SPTLC2: variants seen among roughly 807,000 people sequenced by gnomAD.
The protein encoded by SPTLC2 is serine palmitoyltransferase 2.
A neutral mutation model predicts 62.0 loss-of-function variants in SPTLC2; 21 were observed. That is an observed-to-expected ratio of 0.34 (90% CI 0.24 to 0.49). The LOEUF (loss-of-function observed/expected upper bound fraction) is 0.49. Ranked by LOEUF, SPTLC2 falls within the 20% of genes least tolerant of loss-of-function variation. The pLI is 0.99. For missense variants in SPTLC2, 511 were observed against 713.0 expected (o/e 0.72, Z 3.23); for synonymous variants, 261 against 261.8 (o/e 1.00, Z 0.03).
At chr14:77,544,917 T>TA (rs1197613979) in intron 9 of SPTLC2, among the ~76,000 whole-genome samples, 3 of 152,158 alleles carry the variant, frequency 2.0e-5, no homozygotes, top group African/African-American at 7.2e-5. Context: ...TTCCTCTTAG[T>TA]ATTTTTCTAT....
intron 2 of SPTLC2, 77 bp from the exon 3 acceptor site, chr14:77,579,186 T>C: frequency 6.7e-7 from 1 of 1,483,240 alleles, no homozygotes; most frequent in East Asian, 2.4e-5. Flanking sequence ...TGACATGATC[T>C]TTTATTTATG....
chr14:77,594,132 ATGC>A (rs1191127495), intron 2 of SPTLC2, among the ~76,000 whole-genome samples: 2 of 152,182 alleles, frequency 1.3e-5, no homozygotes, highest in African/African-American at 4.8e-5. Context: ...GATTAACCCT[ATGC>A]TACTCAGATA....
intron 9 of SPTLC2, among the ~76,000 whole-genome samples, chr14:77,549,096 G>A (rs2079543154): frequency 6.6e-6 from 1 of 152,138 alleles, no homozygotes; most frequent in Non-Finnish European, 1.5e-5. Context: ...GGTGGGAGGT[G>A]TGTGGATCAT....
intron 1 of SPTLC2, among the ~76,000 whole-genome samples, chr14:77,616,191 G>C (rs1167374901): frequency 6.6e-6 from 1 of 152,202 alleles, no homozygotes; most frequent in East Asian, 1.9e-4. Flanking sequence ...GCAGAGAAAA[G>C]TACCCGGAGC....
rs755610861 is a variant in SPTLC2 at position 77,579,061 on chromosome 14, G to A, written c.376C>T (p.Leu126=). Residue 126 remains leucine (L), a synonymous_variant, in exon 3 of 12, where the codon CTG becomes TTG. Coordinates refer to ENST00000216484, the MANE Select transcript of SPTLC2 (RefSeq NM_004863.4). ...CAGTTGTCTCTTATCCTCATGTACA[G>A]ATTCCTTGTATAAAAGTTTTCAAAA... ...QDFENFYTRN[L]YMRIRDNWNR... 3 of 1,613,954 alleles carry A rather than the reference G, an allele frequency of 1.9e-6. No individual in the cohort carries two copies. The highest frequency in any genetic ancestry group is 2.5e-6 in the Non-Finnish European group (3 of 1,180,030).
At chr14:77,569,347 T>C (rs1046028862) in intron 5 of SPTLC2, among the ~76,000 whole-genome samples, 3 of 152,230 alleles carry the variant, frequency 2.0e-5, no homozygotes, top group Admixed American at 2.0e-4. Context: ...CATTTATATT[T>C]AATGTTTATC....
intron 1 of SPTLC2, among the ~76,000 whole-genome samples, chr14:77,604,683 C>T (rs1343967023): frequency 3.3e-5 from 5 of 151,888 alleles, no homozygotes; most frequent in Non-Finnish European, 7.4e-5. Flanking sequence ...GCCTGACCAA[C>T]ATGGAGAAAC....
Position 77,518,112 on chromosome 14 carries a change from G to A in SPTLC2, c.1495C>T (p.Pro499Ser). The A allele has an allele frequency of 6.2e-7, 1 of 1,614,122 alleles. No individual in the cohort carries two copies. The highest frequency in any genetic ancestry group is 8.5e-7 in the Non-Finnish European group (1 of 1,180,030). The change falls in exon 11 of 12, where the codon CCT becomes TCT. Residue 499 changes from proline to serine, a missense_variant. Pro to Ser is a moderately conservative substitution (Grantham distance 74, BLOSUM62 -1). Coordinates refer to ENST00000216484, the MANE Select transcript of SPTLC2 (RefSeq NM_004863.4). ...CTGGACTCAATAATTGGGGTGGCAG[G>A]AAATCCAACCACAACGACACCGATG... ...RNIGVVVVGF[P>S]ATPIIESRAR...
chr14:77,577,302 C>T (rs1444106837), intron 3 of SPTLC2, among the ~76,000 whole-genome samples: 1 of 152,026 alleles, frequency 6.6e-6, no homozygotes, highest in Non-Finnish European at 1.5e-5. Flanking sequence ...CACAATTTGC[C>T]ACATCTGTTC....
intron 9 of SPTLC2, among the ~76,000 whole-genome samples, chr14:77,528,055 A>G (rs1354055139): frequency 6.6e-6 from 1 of 152,220 alleles, no homozygotes; most frequent in African/African-American, 2.4e-5. Context: ...CCTAACTCAT[A>G]TTATACTTCA....
chr14:77,532,939 C>T (rs1395168662), intron 9 of SPTLC2, among the ~76,000 whole-genome samples: 1 of 151,842 alleles, frequency 6.6e-6, no homozygotes, highest in Non-Finnish European at 1.5e-5. Flanking sequence ...AAAATGACAC[C>T]ACCATAGTAG....
intron 9 of SPTLC2, among the ~76,000 whole-genome samples, chr14:77,527,448 C>T (rs2079414821): frequency 6.6e-6 from 1 of 152,144 alleles, no homozygotes; most frequent in Non-Finnish European, 1.5e-5. Flanking sequence ...CTGATAACCA[C>T]TAGATATTGA....
At chr14:77,615,588 T>C (rs550186585) in intron 1 of SPTLC2, among the ~76,000 whole-genome samples, 5 of 152,258 alleles carry the variant, frequency 3.3e-5, no homozygotes, top group Admixed American at 6.5e-5. Context: ...AGCTCATCTT[T>C]AAAAACACAT....
Position 77,551,316 on chromosome 14 carries a change from G to A in SPTLC2, c.1303+780C>T, listed in dbSNP as rs551517533. On this transcript the variant is annotated intron_variant, in intron 9 of 11. Transcript: ENST00000216484. The stretch of plus-strand genomic sequence containing the variant: ...GGCTGAGGCAGAATGGTGTGAACCC[G>A]GGAGGCAGAGCTTGCAGTGAGCCAA... Among the ~76,000 whole-genome samples the A allele has an allele frequency of 4.9e-5, 7 of 142,168 alleles. No individual in the cohort carries two copies. The East Asian group carries it at 1.0e-3, about 21-fold the overall frequency. 93.3% of individuals were successfully genotyped at this position (142,168 alleles called of 152,430 possible).
chr14:77,557,601 G>A (rs952596616), intron 6 of SPTLC2, among the ~76,000 whole-genome samples: 8 of 152,274 alleles, frequency 5.3e-5, no homozygotes, highest in East Asian at 3.9e-4. Context: ...AACGCAAGGC[G>A]TAAAAAAACT....
intron 2 of SPTLC2, among the ~76,000 whole-genome samples, chr14:77,596,964 C>T (rs1465417842): frequency 2.0e-5 from 3 of 152,178 alleles, no homozygotes; most frequent in Admixed American, 1.3e-4. Flanking sequence ...TAGTGCCGCC[C>T]ACCTCCTTAG....
intron 11 of SPTLC2, among the ~76,000 whole-genome samples, chr14:77,514,407 A>G (rs1594965767): frequency 6.6e-6 from 1 of 152,322 alleles, no homozygotes; most frequent in East Asian, 1.9e-4. Flanking sequence ...TGACATTCTA[A>G]TGAGTGCTGA....
intron 1 of SPTLC2, among the ~76,000 whole-genome samples, chr14:77,612,818 C>T (rs2140068620): frequency 6.6e-6 from 1 of 152,296 alleles, no homozygotes; most frequent in Non-Finnish European, 1.5e-5. Context: ...ACAACTTTTG[C>T]CCCAATTCCT....
chr14:77,594,273 T>C (rs2079834131), intron 2 of SPTLC2, among the ~76,000 whole-genome samples: 1 of 152,270 alleles, frequency 6.6e-6, no homozygotes, highest in African/African-American at 2.4e-5. Flanking sequence ...ATAAAATCTG[T>C]GTGTTCTAAT....
Sources: gnomAD v4.1 joint callset for allele counts (sites outside exome capture counted in the v4.1 genomes callset) on GRCh38, gnomAD v4.1.1 for gene constraint, MANE v1.5 for transcripts, NCBI Gene and HGNC (gene_info 2026-07-23, HGNC 2026-07-21) for gene names.